SETD5: variants seen among roughly 807,000 people sequenced by gnomAD.
SETD5 encodes histone-lysine N-methyltransferase SETD5.
A neutral mutation model predicts 153.3 loss-of-function variants in SETD5; 44 were observed. The ratio of observed to expected loss-of-function variants is 0.29; its 90% CI spans 0.23 to 0.37. The LOEUF (loss-of-function observed/expected upper bound fraction) is 0.37. SETD5 is among the 10% of genes least tolerant of loss of function. SETD5 has a pLI of 1.00. For missense variants in SETD5, 1,544 were observed against 1,768.0 expected (o/e 0.87, Z 2.27); for synonymous variants, 716 against 645.2 (o/e 1.11, Z -1.66).
chr3:9,451,464 G>A (rs1296862139), intron 16 of SETD5, among the ~76,000 whole-genome samples: 1 of 152,104 alleles, frequency 6.6e-6, no homozygotes, highest in African/African-American at 2.4e-5. Flanking sequence ...GGGATAGTAG[G>A]GGTTCACAGG....
chr3:9,443,410 A>C lies in SETD5; in HGVS notation c.1180A>C (p.Ser394Arg). The C allele has an allele frequency of 7.1e-7, 1 of 1,404,276 alleles. No homozygotes were observed. The allele number at this position is 1,404,276 out of a possible 1,614,324, so 87.0% of individuals were successfully genotyped here. The part of the protein sequence containing the change: ...EVTIAFDYEY[S>R]NCNYKVDCAC... Reference sequence around the variant, plus strand: ...CACCATAGCATTTGATTATGAGTATAGTAACTGGTAAGACCTCAGAAACCT... The same window carrying C: ...CACCATAGCATTTGATTATGAGTATCGTAACTGGTAAGACCTCAGAAACCT... The change falls in exon 11 of 23, where the codon AGT (serine) becomes CGT (arginine). Residue 394 changes from serine to arginine, a missense_variant. By Grantham distance (110) the Ser-to-Arg change is moderately radical (BLOSUM62 -1). Transcript: ENST00000402198.
intron 16 of SETD5, among the ~76,000 whole-genome samples, chr3:9,449,770 A>G (rs986053260): frequency 1.3e-5 from 2 of 152,226 alleles, no homozygotes; most frequent in Admixed American, 1.3e-4. Context: ...TGAGCAGCAC[A>G]TTGCAGAAAG....
In SETD5 at chr3:9,470,894, C is replaced by T. The variant is rs2045222153; in HGVS notation, c.3160C>T (p.Pro1054Ser). Residue 1054 changes from proline (P) to serine (S), a missense_variant, in exon 19 of 23, where the codon CCA becomes TCA. This residue lies in a region of SETD5 where 782 missense variants were observed against 787.2 expected (regional missense o/e 0.99). Coordinates refer to ENST00000402198, the MANE Select transcript of SETD5 (RefSeq NM_001080517.3). ...PGGERACEGV[P>S]SAPQNPPQRK... ...TGGTGAAAGGGCCTGTGAAGGAGTCCCATCTGCCCCCCAGAACCCACCACA... is the reference window on the plus strand; with the variant it reads ...TGGTGAAAGGGCCTGTGAAGGAGTCTCATCTGCCCCCCAGAACCCACCACA... The T allele has an allele frequency of 6.2e-7, 1 of 1,605,248 alleles. No individual in the cohort carries two copies.
chr3:9,426,919 C>T (rs1402704826), intron 2 of SETD5, among the ~76,000 whole-genome samples: 2 of 151,920 alleles, frequency 1.3e-5, no homozygotes, highest in African/African-American at 4.8e-5. Context: ...GGTCTCACTT[C>T]ATCATCTAGG....
chr3:9,453,889 T>C, intron 17 of SETD5, 21 bp downstream of exon 17: 1 of 1,513,338 alleles, frequency 6.6e-7, no homozygotes, highest in Non-Finnish European at 8.8e-7. Flanking sequence ...AAAACCTTTC[T>C]GATTATATGA....
At chr3:9,459,844 GAGA>G (rs2043736094) in intron 17 of SETD5, among the ~76,000 whole-genome samples, 1 of 152,006 alleles carries the variant, frequency 6.6e-6, no homozygotes, top group Non-Finnish European at 1.5e-5. Flanking sequence ...AATGGGGGAG[GAGA>G]AGTCATAACA....
At chr3:9,453,230 A>G (rs1371005096) in intron 16 of SETD5, among the ~76,000 whole-genome samples, 1 of 152,136 alleles carries the variant, frequency 6.6e-6, no homozygotes, top group Non-Finnish European at 1.5e-5. Context: ...CCTTTTGGAA[A>G]CGCTTTTGGT....
At chr3:9,442,619 A>G (rs530165219) in intron 10 of SETD5, among the ~76,000 whole-genome samples, 1 of 152,346 alleles carries the variant, frequency 6.6e-6, no homozygotes, top group Admixed American at 6.5e-5. Flanking sequence ...GTTTTATGAG[A>G]GGATCTAGAC....
chr3:9,403,809 G>T (rs1267383635), intron 1 of SETD5, among the ~76,000 whole-genome samples: 1 of 152,162 alleles, frequency 6.6e-6, no homozygotes, highest in Non-Finnish European at 1.5e-5. Context: ...AAATCATAAT[G>T]AAATATTTTG....
rs2041310087 is a variant in SETD5, at chr3:9,441,647, G to A, written c.865G>A (p.Ala289Thr). 6.2e-7 allele frequency: 1 copy of A among 1,613,846 alleles called. No individual in the cohort carries two copies. The highest frequency in any genetic ancestry group is 1.7e-5 in the Admixed American group (1 of 60,010). ...VQKHRKILRA[A>T]RDLALDTLII... ...AAAGCACCGGAAGATCCTGAGGGCT[G>A]CAAGAGATTTGGCTTTGGACACTCT... is the stretch of plus-strand genomic sequence containing the variant. Residue 289 changes from alanine to threonine, a missense_variant, in exon 9 of 23, where the codon GCA becomes ACA. Physicochemically the swap from Ala to Thr is moderately conservative, Grantham distance 58. Around this residue, in one of 9 missense-constraint regions of SETD5, gnomAD observed 30 missense variants for 66.0 expected, o/e 0.45. Transcript: ENST00000402198.
chr3:9,453,783 A>T lies in SETD5; in HGVS notation c.2391A>T (p.Ser797=), dbSNP rs545703721. 14 of 1,608,584 alleles carry T rather than the reference A, an allele frequency of 8.7e-6. No individual in the cohort carries two copies. The highest frequency in any genetic ancestry group is 1.7e-4 in the Middle Eastern group (1 of 6,028). The change falls in exon 17 of 23, where the codon TCA becomes TCT. Residue 797 remains serine, a synonymous_variant. Coordinates refer to ENST00000402198, the MANE Select transcript of SETD5 (RefSeq NM_001080517.3). ...TAGAAGAAGGGATGACTCAAACATC[A>T]TCTGTACCCCAAGAGACTAGAACTC... is the stretch of plus-strand genomic sequence containing the variant. The part of the protein sequence containing the change: ...QALEEGMTQT[S]SVPQETRTQH...
chr3:9,440,591 C>G lies in SETD5; in HGVS notation c.703C>G (p.Gln235Glu). The G allele has an allele frequency of 6.2e-7, 1 of 1,613,952 alleles. No homozygotes were observed. The change falls in exon 8 of 23, where the codon CAA (glutamine) becomes GAA (glutamate). Residue 235 changes from glutamine (Q) to glutamate (E), a missense_variant. Coordinates refer to ENST00000402198, the MANE Select transcript of SETD5 (RefSeq NM_001080517.3). ...TGCAGATGTACAGAACGCGCTTGAA[C>G]AACACCTACATTCTAGCAAGGAATT... ...YSADVQNALE[Q>E]HLHSSKEFVG...
chr3:9,475,014 C>T, intron 21 of SETD5, 54 bp from the exon 22 acceptor site: 5 of 1,482,586 alleles, frequency 3.4e-6, no homozygotes, highest in Non-Finnish European at 4.6e-6. Flanking sequence ...ATGGCTCTTT[C>T]TTACTTATTC....
intron 8 of SETD5, 136 bp downstream of exon 8, chr3:9,440,834 A>G (rs2041188754): frequency 8.8e-7 from 1 of 1,135,240 alleles, no homozygotes; most frequent in Non-Finnish European, 1.2e-6. Flanking sequence ...TGTTGATCAT[A>G]TGTAACCAAA....
At position 9,450,870 on chromosome 3, in the gene SETD5, A is replaced by G. The variant is rs540719066; in HGVS notation, c.2346+2240A>G. Among the ~76,000 whole-genome samples, 4 of 152,284 alleles carry G rather than the reference A, an allele frequency of 2.6e-5. No individual in the cohort carries two copies. The South Asian group carries it at 8.3e-4, about 32-fold the overall frequency. The stretch of plus-strand genomic sequence containing the variant: ...ATAGTTGTACTCAGATTCTTATGCT[A>G]TTTATTTTTATTTTTATCATTATTA... On this transcript the variant is annotated intron_variant, in intron 16 of 22. Coordinates refer to ENST00000402198, the MANE Select transcript of SETD5 (RefSeq NM_001080517.3).
At chr3:9,456,575 T>C (rs1160463983) in intron 17 of SETD5, among the ~76,000 whole-genome samples, 2 of 152,092 alleles carry the variant, frequency 1.3e-5, no homozygotes, top group African/African-American at 4.8e-5. Context: ...GAATAATGTA[T>C]ATAAAGTTCT....
intron 1 of SETD5, among the ~76,000 whole-genome samples, chr3:9,413,923 G>A (rs541233247): frequency 1.7e-4 from 26 of 151,966 alleles, no homozygotes; most frequent in South Asian, 8.3e-4. Flanking sequence ...GACTGCAGGC[G>A]CGCGCCACCA....
At chr3:9,436,019 C>A in intron 7 of SETD5, 113 bp downstream of exon 7, 2 of 984,094 alleles carry the variant, frequency 2.0e-6, no homozygotes, top group Non-Finnish European at 3.0e-6. Flanking sequence ...TGAAGGGCCA[C>A]TTTTGTTCTA....
intron 18 of SETD5, among the ~76,000 whole-genome samples, chr3:9,469,173 C>G (rs2045003526): frequency 2.0e-5 from 3 of 152,216 alleles, no homozygotes; most frequent in Non-Finnish European, 4.4e-5. Context: ...CCCTGGCTTT[C>G]TGTCACAGGC....
Sources: gnomAD v4.1 joint callset for allele counts (sites outside exome capture counted in the v4.1 genomes callset) on GRCh38, gnomAD v4.1.1 for gene constraint, gnomAD v4.1.1 regional missense constraint, MANE v1.5 for transcripts, NCBI Gene and HGNC (gene_info 2026-07-23, HGNC 2026-07-21) for gene names.